Variants in CUL1 observed in about 807,000 individuals in gnomAD.
CUL1 encodes the protein cullin-1.
CUL1 carries 24 observed loss-of-function variants against 118.0 expected under a neutral mutation model. The observed-to-expected ratio is 0.20, with a 90% CI of 0.15 to 0.29. The LOEUF (loss-of-function observed/expected upper bound fraction) is 0.29, where lower values mean the gene tolerates loss of function less well. Ranked by LOEUF, CUL1 falls within the 10% of genes least tolerant of loss-of-function variation. The probability of loss-of-function intolerance (pLI) is 1.00; values close to 1 mark genes in which losing one functional copy is unlikely to be tolerated. For missense variants in CUL1, 361 were observed against 933.8 expected, an observed-to-expected ratio of 0.39 and a Z score of 7.99; for synonymous variants, 332 against 340.4, an observed-to-expected ratio of 0.98 and a Z score of 0.27.
intron 2 of CUL1, among the ~76,000 whole-genome samples, chr7:148,749,807 T>A (rs1466399945): frequency 6.6e-6 from 1 of 152,234 alleles, no homozygotes; most frequent in African/African-American, 2.4e-5. Flanking sequence ...TGTTGAAAGC[T>A]GAGATAGGCC....
chr7:148,762,335 G>A (rs1355897625), intron 7 of CUL1, among the ~76,000 whole-genome samples: 1 of 152,150 alleles, frequency 6.6e-6, no homozygotes, highest in Non-Finnish European at 1.5e-5. Flanking sequence ...GGTTATAAAT[G>A]GGCTTAGAAG....
chr7:148,758,934 A>AC (rs1247539691), intron 4 of CUL1, among the ~76,000 whole-genome samples: 1 of 152,228 alleles, frequency 6.6e-6, no homozygotes, highest in African/African-American at 2.4e-5. Context: ...AAAAGTTGTT[A>AC]GTGTAGGAAT....
intron 2 of CUL1, among the ~76,000 whole-genome samples, chr7:148,739,044 C>A (rs2129459874): frequency 6.6e-6 from 1 of 152,324 alleles, no homozygotes; most frequent in African/African-American, 2.4e-5. Context: ...CACAGGCGCC[C>A]TTCAGGGCTC....
intron 9 of CUL1, among the ~76,000 whole-genome samples, chr7:148,768,378 C>CTTTT (rs10595637): frequency 7.4e-5 from 7 of 94,870 alleles, no homozygotes; most frequent in African/African-American, 2.9e-4. Context: ...AAGAAAAGCT[C>CTTTT]TTTTTTTTTT....
chr7:148,762,784 AG>A (rs1799875725), intron 7 of CUL1, among the ~76,000 whole-genome samples: 1 of 152,220 alleles, frequency 6.6e-6, no homozygotes, highest in African/African-American at 2.4e-5. Context: ...GTAGTGCTCT[AG>A]GGCAAGGAAA....
chr7:148,715,471 A>C (rs1045274242), intron 1 of CUL1, among the ~76,000 whole-genome samples: 3 of 152,170 alleles, frequency 2.0e-5, no homozygotes, highest in Non-Finnish European at 4.4e-5. Context: ...TGTCGAACTA[A>C]AAGTTTCATG....
In CUL1 at chr7:148,777,124, G is replaced by A. The variant is rs568296387; in HGVS notation, c.1084-6659G>A. ...AGCCTCACCTTGAACTAAAGGAAATGTAGGTGTCAGCCAGGACTAGGGGAA... is the reference window on the plus strand; with the variant it reads ...AGCCTCACCTTGAACTAAAGGAAATATAGGTGTCAGCCAGGACTAGGGGAA... On this transcript the variant is annotated intron_variant, in intron 9 of 21. Transcript: ENST00000325222. Among the ~76,000 whole-genome samples the A allele has an allele frequency of 9.1e-4, 139 of 152,344 alleles. 1 individual carries two copies. Among genetic ancestry groups the A allele is most frequent in the African/African-American group, 2.9e-3 (122 of 41,592 alleles).
At chr7:148,783,060 G>A (rs1800695452) in intron 9 of CUL1, among the ~76,000 whole-genome samples, 1 of 152,204 alleles carries the variant, frequency 6.6e-6, no homozygotes, top group South Asian at 2.1e-4. Context: ...AAGGGTGGTG[G>A]CGGCGTGCGC....
At chr7:148,750,249 A>G (rs182201568) in intron 2 of CUL1, among the ~76,000 whole-genome samples, 53 of 152,148 alleles carry the variant, frequency 3.5e-4, no homozygotes, top group African/African-American at 1.3e-3. Context: ...CAGATACTCA[A>G]TTTAGTCAAA....
intron 7 of CUL1, among the ~76,000 whole-genome samples, chr7:148,765,925 G>A (rs1168624841): frequency 6.6e-6 from 1 of 152,110 alleles, no homozygotes. Flanking sequence ...TAGAGTGGCA[G>A]AGACATTACC....
At chr7:148,790,825 C>T (rs1800977236) in intron 16 of CUL1, among the ~76,000 whole-genome samples, 2 of 152,204 alleles carry the variant, frequency 1.3e-5, no homozygotes, top group Non-Finnish European at 1.5e-5. Context: ...ATCAGCTCTC[C>T]ACCTTACACA....
chr7:148,745,240 T>C (rs1384915922), intron 2 of CUL1, among the ~76,000 whole-genome samples: 2 of 152,216 alleles, frequency 1.3e-5, no homozygotes, highest in Non-Finnish European at 2.9e-5. Context: ...GCAATTTTCA[T>C]TGATTATGAA....
chr7:148,787,752 C>T lies in CUL1; in HGVS notation c.1479+632C>T, dbSNP rs1052667807. ...ACTTCCACACTGTGCTGGCCTGGAGCTGAGTGGAGGTTTTGTTTGCTCTGG... is the reference window on the plus strand; with the variant it reads ...ACTTCCACACTGTGCTGGCCTGGAGTTGAGTGGAGGTTTTGTTTGCTCTGG... On this transcript the variant is annotated intron_variant, in intron 13 of 21. Transcript: ENST00000325222. The surrounding 1 kb of genome is among the most constrained non-coding windows in gnomAD (Gnocchi z 5.5). Among the ~76,000 whole-genome samples the T allele has an allele frequency of 7.2e-5, 11 of 152,158 alleles. No homozygotes were observed. Among genetic ancestry groups the T allele is most frequent in the Non-Finnish European group, 1.6e-4 (11 of 68,030 alleles).
intron 17 of CUL1, among the ~76,000 whole-genome samples, chr7:148,794,459 T>TCTGGATTA (rs1801116313): frequency 6.6e-6 from 1 of 152,202 alleles, no homozygotes; most frequent in Admixed American, 6.5e-5. Flanking sequence ...TATCACACTG[T>TCTGGATTA]CTGGATTACT....
Position 148,797,955 on chromosome 7 carries a change from G to C in CUL1, c.1966G>C (p.Ala656Pro). Residue 656 changes from alanine (A) to proline (P), a missense_variant, in exon 19 of 22, where the codon GCA becomes CCA. By Grantham distance (27) the Ala-to-Pro change is conservative (BLOSUM62 -1). Around this residue, in one of 7 missense-constraint regions of CUL1, gnomAD observed 84 missense variants for 203.3 expected, o/e 0.41. Coordinates refer to ENST00000325222, the MANE Select transcript of CUL1 (RefSeq NM_003592.3). ...CTTACAGGTCTTGGAAGATGAAAAT[G>C]CAAATGTTGATGAGGTGGAATTGAA... The part of the protein sequence containing the change: ...SKLLVLEDEN[A>P]NVDEVELKPD... 6.2e-7 allele frequency: 1 copy of C among 1,612,892 alleles called. No individual in the cohort carries two copies. Among genetic ancestry groups the C allele is most frequent in the African/African-American group, 1.3e-5 (1 of 74,994 alleles).
chr7:148,790,498 T>A (rs1475759050), intron 16 of CUL1, 57 bp downstream of exon 16: 1 of 1,462,246 alleles, frequency 6.8e-7, no homozygotes, highest in Non-Finnish European at 9.5e-7. Context: ...TAAGGCAAAT[T>A]ATGGAAATCA....
At chr7:148,775,872 G>T (rs959440573) in intron 9 of CUL1, among the ~76,000 whole-genome samples, 7 of 150,028 alleles carry the variant, frequency 4.7e-5, no homozygotes, top group Admixed American at 6.6e-5. Flanking sequence ...AAAAAAAAAG[G>T]TTTGATTTTT....
intron 9 of CUL1, among the ~76,000 whole-genome samples, chr7:148,770,736 C>A (rs1483112277): frequency 1.3e-5 from 2 of 152,096 alleles, no homozygotes; most frequent in African/African-American, 4.8e-5. Flanking sequence ...CGGGCCATAG[C>A]CTGGCACACA....
At chr7:148,716,129 C>T (rs1457982417) in intron 1 of CUL1, among the ~76,000 whole-genome samples, 2 of 151,998 alleles carry the variant, frequency 1.3e-5, no homozygotes, top group Non-Finnish European at 2.9e-5. Flanking sequence ...CATATGGCTC[C>T]AAGATGTTCT....
Sources: allele counts gnomAD v4.1 joint callset (sites outside exome capture counted in the v4.1 genomes callset), GRCh38; gene constraint gnomAD v4.1.1; regional missense constraint gnomAD v4.1.1; non-coding constraint Gnocchi (gnomAD v3.1); transcripts MANE v1.5; gene names NCBI Gene and HGNC (gene_info 2026-07-23, HGNC 2026-07-21).